The following FAAH2 variants were observed in gnomAD, a reference collection of about 807,000 sequenced individuals.
FAAH2 encodes the protein fatty acid amide hydrolase 2.
FAAH2 carries 60 observed loss-of-function variants against 36.9 expected under a neutral mutation model. The ratio of observed to expected loss-of-function variants is 1.63; its 90% CI spans 1.32 to 2.02. The LOEUF (loss-of-function observed/expected upper bound fraction) is 2.02. Ranked by LOEUF, FAAH2 falls within the 30% of genes most tolerant of loss-of-function variation. FAAH2 has a pLI of 0.00. For synonymous variants in FAAH2, 214 were observed against 143.8 expected, an observed-to-expected ratio of 1.49 and a Z score of -3.49; for missense variants, 689 against 397.5, an observed-to-expected ratio of 1.73 and a Z score of -6.23.
chrX:57,390,072 T>C (rs1157559706), intron 7 of FAAH2, among the ~76,000 whole-genome samples: 1 of 111,933 alleles, frequency 8.9e-6, no homozygotes, highest in Non-Finnish European at 1.9e-5. Flanking sequence ...GAATTCCTTG[T>C]ATATTTTGAA....
intron 5 of FAAH2, among the ~76,000 whole-genome samples, chrX:57,349,102 TA>T (rs1481188896): frequency 1.0e-5 from 1 of 97,200 alleles, no homozygotes; most frequent in East Asian, 3.1e-4. Flanking sequence ...ATTATATATA[TA>T]ATGTATATGT....
chrX:57,332,339 T>C (rs1046211461), intron 4 of FAAH2, among the ~76,000 whole-genome samples: 2 of 112,452 alleles, frequency 1.8e-5, no homozygotes, highest in South Asian at 7.4e-4. Flanking sequence ...AAAATTTAAG[T>C]GTGACTTCAG....
At chrX:57,420,034 T>C (rs1203881218) in intron 7 of FAAH2, among the ~76,000 whole-genome samples, 1 of 111,793 alleles carries the variant, frequency 8.9e-6, no homozygotes, top group Non-Finnish European at 1.9e-5. Flanking sequence ...GTTGTAGATA[T>C]GTGGCATTCT....
At chrX:57,314,388 G>A (rs747843402) in intron 3 of FAAH2, among the ~76,000 whole-genome samples, 22 of 110,944 alleles carry the variant, frequency 2.0e-4, no homozygotes, top group African/African-American at 6.2e-4. Flanking sequence ...GAGCAATTGC[G>A]CTTAATAGAC....
At chrX:57,223,871 A>T in the FAAH2 span, among the ~76,000 whole-genome samples, 1 of 111,508 alleles carries the variant, frequency 9.0e-6, no homozygotes, top group Non-Finnish European at 1.9e-5. Flanking sequence ...GCATCTCTAC[A>T]TCCTTAGGTA....
chrX:57,424,793 A>G (rs1463397063), intron 7 of FAAH2, among the ~76,000 whole-genome samples: 1 of 112,303 alleles, frequency 8.9e-6, no homozygotes, highest in Non-Finnish European at 1.9e-5. Context: ...ATGAGGAGAA[A>G]GCAGTGTAAC....
At chrX:57,351,132 A>G (rs2053988445) in intron 5 of FAAH2, among the ~76,000 whole-genome samples, 2 of 111,709 alleles carry the variant, frequency 1.8e-5, no homozygotes, top group African/African-American at 6.5e-5. Context: ...TTGAAATTAT[A>G]TCAAGTATCT....
the FAAH2 span, among the ~76,000 whole-genome samples, chrX:57,186,800 C>T: frequency 2.7e-5 from 3 of 111,898 alleles, no homozygotes; most frequent in African/African-American, 9.7e-5. Context: ...GTCTCCCCAG[C>T]GCCATTTATT....
chrX:57,129,305 G>A, the FAAH2 span, among the ~76,000 whole-genome samples: 1 of 111,575 alleles, frequency 9.0e-6, no homozygotes, highest in Non-Finnish European at 1.9e-5. Context: ...ATAAATGCAT[G>A]TATATCTGTA....
chrX:57,465,114 A>G (rs189166929), intron 10 of FAAH2, among the ~76,000 whole-genome samples: 94 of 111,967 alleles, frequency 8.4e-4, no homozygotes, highest in Middle Eastern at 9.3e-3. Flanking sequence ...AAAATTCACT[A>G]GAGGAGCTCA....
At chrX:57,416,362 G>T (rs1013022179) in intron 7 of FAAH2, among the ~76,000 whole-genome samples, 11 of 110,883 alleles carry the variant, frequency 9.9e-5, no homozygotes, top group Admixed American at 3.9e-4. Context: ...TGCAGTGGCT[G>T]GTACAGTTTT....
intron 7 of FAAH2, among the ~76,000 whole-genome samples, chrX:57,420,601 C>G (rs775621980): frequency 9.1e-6 from 1 of 109,960 alleles, no homozygotes; most frequent in African/African-American, 3.3e-5. Context: ...AGTTGCTTAT[C>G]AGCTTAAGGA....
At chrX:57,234,964 A>C in the FAAH2 span, among the ~76,000 whole-genome samples, 11 of 111,399 alleles carry the variant, frequency 9.9e-5, no homozygotes, top group Non-Finnish European at 2.1e-4. Flanking sequence ...CTTGAACTTT[A>C]AAGGCGGAGG....
At chrX:57,323,561 G>A (rs974089306) in intron 3 of FAAH2, among the ~76,000 whole-genome samples, 1 of 111,295 alleles carries the variant, frequency 9.0e-6, no homozygotes, top group African/African-American at 3.3e-5. Flanking sequence ...TTGTGGTTTT[G>A]ATTTGCATTT....
chrX:57,475,408 A>G (rs780179769), intron 10 of FAAH2, among the ~76,000 whole-genome samples: 1 of 112,276 alleles, frequency 8.9e-6, no homozygotes, highest in South Asian at 3.6e-4. Flanking sequence ...TGTTTTCTGC[A>G]TATGGCTAGC....
the FAAH2 span, among the ~76,000 whole-genome samples, chrX:57,145,951 G>A: frequency 9.0e-6 from 1 of 110,961 alleles, no homozygotes; most frequent in Admixed American, 9.6e-5. Context: ...TGCTGTTTTG[G>A]TGACTATGGC....
chrX:57,457,117 T>G (rs1263684007), intron 10 of FAAH2, among the ~76,000 whole-genome samples: 1 of 112,061 alleles, frequency 8.9e-6, no homozygotes, highest in Non-Finnish European at 1.9e-5. Flanking sequence ...ATGCAAGTTT[T>G]ATTTCTGGGA....
intron 7 of FAAH2, among the ~76,000 whole-genome samples, chrX:57,412,425 A>G (rs1367037626): frequency 9.1e-6 from 1 of 109,932 alleles, no homozygotes; most frequent in Non-Finnish European, 1.9e-5. Context: ...CCCTGTGTTC[A>G]TGTGTTCTCA....
At chrX:57,334,129 G>A (rs762975519) in intron 4 of FAAH2, among the ~76,000 whole-genome samples, 2 of 110,113 alleles carry the variant, frequency 1.8e-5, no homozygotes, top group Admixed American at 9.7e-5. Flanking sequence ...AATTAGCCAG[G>A]CCTGGCAGCA....
Sources: gnomAD v4.1 joint callset for allele counts (sites outside exome capture counted in the v4.1 genomes callset) on GRCh38, gnomAD v4.1.1 for gene constraint, MANE v1.5 for transcripts, NCBI Gene and HGNC (gene_info 2026-07-23, HGNC 2026-07-21) for gene names.